SLC6A2: variants seen among roughly 807,000 people sequenced by gnomAD.
SLC6A2 encodes the protein solute carrier family 6 member 2, also known as sodium-dependent noradrenaline transporter.
In SLC6A2, 26 loss-of-function variants were observed where a neutral mutation model predicts 71.7. The observed-to-expected ratio is 0.36, with a 90% CI of 0.27 to 0.50. The LOEUF is 0.50. SLC6A2 is among the 20% of genes least tolerant of loss of function. The pLI is 0.96. For synonymous variants in SLC6A2, 363 were observed against 337.9 expected, an observed-to-expected ratio of 1.07 and a Z score of -0.82; for missense variants, 581 against 803.9, an observed-to-expected ratio of 0.72 and a Z score of 3.35.
At chr16:55,671,674 T>G (rs1162943708) in intron 3 of SLC6A2, 6 of 640,602 alleles carry the variant, frequency 9.4e-6, no homozygotes, top group Non-Finnish European at 1.6e-5. Flanking sequence ...GGGATCTAGG[T>G]TGTGTGCTCC....
rs866032348 is a variant in SLC6A2, at chr16:55,672,089, C to T, written c.558C>T (p.Thr186=). ...CGHTWNSPNC[T]DPKLLNGSVL... ...ACACCTGGAACAGCCCCAACTGTACCGACCCCAAGCTCCTCAATGGCTCCG... is the reference window on the plus strand; with the variant it reads ...ACACCTGGAACAGCCCCAACTGTACTGACCCCAAGCTCCTCAATGGCTCCG... Residue 186 remains threonine (T), a synonymous_variant, in exon 4 of 15, where the codon ACC becomes ACT. Coordinates refer to ENST00000568943, the MANE Select transcript of SLC6A2 (RefSeq NM_001172501.3). 1.9e-6 allele frequency: 3 copies of T among 1,614,056 alleles called. No individual in the cohort carries two copies. Among genetic ancestry groups the T allele is most frequent in the East Asian group, 4.5e-5 (2 of 44,880 alleles).
intron 5 of SLC6A2, 91 bp downstream of exon 5, chr16:55,685,372 A>C: frequency 7.3e-7 from 1 of 1,373,922 alleles, no homozygotes; most frequent in Non-Finnish European, 1.0e-6. Context: ...GCTGGTGGAC[A>C]AAAAAGATGG....
At chr16:55,686,292 G>C (rs1253664839) in intron 5 of SLC6A2, among the ~76,000 whole-genome samples, 1 of 152,202 alleles carries the variant, frequency 6.6e-6, no homozygotes, top group East Asian at 1.9e-4. Flanking sequence ...CTGCCAACCA[G>C]AGCATCTTGG....
intron 9 of SLC6A2, among the ~76,000 whole-genome samples, chr16:55,697,555 G>T (rs1198360756): frequency 6.6e-6 from 1 of 152,184 alleles, no homozygotes; most frequent in African/African-American, 2.4e-5. Context: ...GTAAACGTAT[G>T]ACATGGGTTT....
At position 55,691,884 on chromosome 16, in the gene SLC6A2, G is replaced by A. The variant is rs751775580; in HGVS notation, c.784-34G>A. 4 of 1,613,384 alleles carry A rather than the reference G, an allele frequency of 2.5e-6. No individual in the cohort carries two copies. The Admixed American group carries it at 5.0e-5, about 20-fold the overall frequency. On this transcript the variant is annotated intron_variant, in intron 5 of 14. Transcript: ENST00000568943. ...AGCCCGCCACGGGATTGGGGCCAGA[G>A]CGAGGCTCTCACCTGAACTTATCCA... is the stretch of plus-strand genomic sequence containing the variant.
At chr16:55,690,914 G>A (rs1421582135) in intron 5 of SLC6A2, among the ~76,000 whole-genome samples, 1 of 152,042 alleles carries the variant, frequency 6.6e-6, no homozygotes, top group Non-Finnish European at 1.5e-5. Context: ...CTCCAACCTG[G>A]ACAAGGGGAT....
intron 4 of SLC6A2, among the ~76,000 whole-genome samples, chr16:55,675,864 A>G (rs73546007): frequency 0.05 from 7,539 of 152,164 alleles, 502 homozygotes; most frequent in African/African-American, 0.14. Flanking sequence ...GAACCTGGGA[A>G]TGAGTCCAGA....
chr16:55,686,754 T>G (rs1294400727), intron 5 of SLC6A2, among the ~76,000 whole-genome samples: 1 of 152,158 alleles, frequency 6.6e-6, no homozygotes. Context: ...GGGGACACAG[T>G]GTCTACCCTA....
intron 2 of SLC6A2, among the ~76,000 whole-genome samples, chr16:55,662,403 C>T (rs1964634236): frequency 6.6e-6 from 1 of 152,134 alleles, no homozygotes; most frequent in African/African-American, 2.4e-5. Context: ...TGGAGATGAG[C>T]AAAAGAAAAT....
chr16:55,697,847 G>T (rs571700453), intron 9 of SLC6A2, 50 bp from the exon 10 acceptor site: 17 of 1,610,190 alleles, frequency 1.1e-5, no homozygotes, highest in Admixed American at 1.7e-5. Flanking sequence ...TGAGACTGAG[G>T]TCCAGGGAGA....
At chr16:55,702,297 C>G (rs2142641587) in intron 14 of SLC6A2, 26 bp from the exon 15 acceptor site, 2 of 1,613,674 alleles carry the variant, frequency 1.2e-6, no homozygotes, top group East Asian at 2.2e-5. Flanking sequence ...ACCATGTCAT[C>G]AAGTCCTCGC....
intron 8 of SLC6A2, 73 bp downstream of exon 8, chr16:55,695,475 A>G (rs1965767888): frequency 6.5e-7 from 1 of 1,540,784 alleles, no homozygotes; most frequent in Admixed American, 1.7e-5. Context: ...TCTTGGCTGC[A>G]TGGCTCTTCC....
intron 4 of SLC6A2, among the ~76,000 whole-genome samples, chr16:55,682,173 C>T (rs2142547786): frequency 6.6e-6 from 1 of 152,312 alleles, no homozygotes; most frequent in Admixed American, 6.5e-5. Flanking sequence ...TCCCAAAGTG[C>T]TGGAATTATA....
At chr16:55,695,225 A>C in intron 7 of SLC6A2, 53 bp from the exon 8 acceptor site, 1 of 1,612,314 alleles carries the variant, frequency 6.2e-7, no homozygotes, top group Non-Finnish European at 8.5e-7. Context: ...AGCAGTCAAA[A>C]CACAGGGTTG....
chr16:55,698,256 G>A (rs1597013609), intron 10 of SLC6A2, among the ~76,000 whole-genome samples: 1 of 152,128 alleles, frequency 6.6e-6, no homozygotes, highest in Admixed American at 6.5e-5. Context: ...TTGAGGGGCA[G>A]CAAAAGTCCC....
intron 5 of SLC6A2, among the ~76,000 whole-genome samples, chr16:55,691,213 G>T (rs867499096): frequency 8.4e-6 from 1 of 119,432 alleles, no homozygotes; most frequent in Non-Finnish European, 1.6e-5. Flanking sequence ...AAAAAGAGAG[G>T]GGGGGAGGGG....
chr16:55,673,370 G>C (rs1344063163), intron 4 of SLC6A2, among the ~76,000 whole-genome samples: 2 of 152,164 alleles, frequency 1.3e-5, no homozygotes, highest in Non-Finnish European at 2.9e-5. Flanking sequence ...CTCCTGTGTA[G>C]AGAGAGTTAT....
In SLC6A2 at chr16:55,679,685, C is replaced by T. The variant is rs779431735; in HGVS notation, c.645-5458C>T. Among the ~76,000 whole-genome samples the T allele has an allele frequency of 3.9e-5, 6 of 152,260 alleles. No individual in the cohort carries two copies. The East Asian group carries it at 1.2e-3, about 29-fold the overall frequency. On this transcript the variant is annotated intron_variant, in intron 4 of 14. Coordinates refer to ENST00000568943, the MANE Select transcript of SLC6A2 (RefSeq NM_001172501.3). Reference sequence around the variant, plus strand: ...GCCAGGCAGACAAATTGAGCTCGGACGTGTGTTCTGGCTGAAGGAACAGAA... The same window carrying T: ...GCCAGGCAGACAAATTGAGCTCGGATGTGTGTTCTGGCTGAAGGAACAGAA...
At chr16:55,660,357 T>C (rs1419675108) in intron 2 of SLC6A2, among the ~76,000 whole-genome samples, 1 of 152,192 alleles carries the variant, frequency 6.6e-6, no homozygotes, top group Non-Finnish European at 1.5e-5. Context: ...GGTTAGGATG[T>C]TCACAGTTGG....
Sources: gnomAD v4.1 joint callset for allele counts (sites outside exome capture counted in the v4.1 genomes callset) on GRCh38, gnomAD v4.1.1 for gene constraint, MANE v1.5 for transcripts, NCBI Gene and HGNC (gene_info 2026-07-23, HGNC 2026-07-21) for gene names.